Variants in SNTG2 observed in about 807,000 individuals in gnomAD.
The protein encoded by SNTG2 is gamma-2-syntrophin.
In SNTG2, 74 loss-of-function variants were observed where a neutral mutation model predicts 70.9. The observed-to-expected ratio is 1.04, with a 90% CI of 0.86 to 1.27. The LOEUF is 1.27. Ranked by LOEUF, SNTG2 falls within the 50% of genes most tolerant of loss-of-function variation. The pLI is 0.00. For synonymous variants in SNTG2, 278 were observed against 273.8 expected (o/e 1.02, Z -0.15); for missense variants, 717 against 690.7 (o/e 1.04, Z -0.43).
chr2:1,321,587 A>G (rs1276582450), intron 16 of SNTG2, among the ~76,000 whole-genome samples: 2 of 152,114 alleles, frequency 1.3e-5, no homozygotes, highest in African/African-American at 2.4e-5. Flanking sequence ...CACTGAAAAG[A>G]CTGAATCGAG....
chr2:1,093,400 G>A (rs188943858), intron 2 of SNTG2, among the ~76,000 whole-genome samples: 5 of 152,314 alleles, frequency 3.3e-5, no homozygotes, highest in African/African-American at 1.2e-4. Context: ...TAATTAGGAT[G>A]CAGGAGGCAG....
At chr2:1,178,530 C>G (rs550580881) in intron 8 of SNTG2, among the ~76,000 whole-genome samples, 16 of 152,220 alleles carry the variant, frequency 1.1e-4, no homozygotes, top group Admixed American at 9.2e-4. Context: ...TGAATTTTGT[C>G]AAAGGCCTTT....
At chr2:1,322,947 A>G (rs1375366575) in intron 16 of SNTG2, among the ~76,000 whole-genome samples, 3 of 152,130 alleles carry the variant, frequency 2.0e-5, no homozygotes, top group South Asian at 2.1e-4. Flanking sequence ...AGGCCATTTC[A>G]TTCATAGGGC....
At chr2:1,359,527 C>T (rs1374763134) in intron 16 of SNTG2, among the ~76,000 whole-genome samples, 1 of 151,958 alleles carries the variant, frequency 6.6e-6, no homozygotes, top group African/African-American at 2.4e-5. Context: ...TATTTTATTC[C>T]ATCTCTTCAC....
At chr2:1,178,981 T>G (rs1459510856) in intron 8 of SNTG2, among the ~76,000 whole-genome samples, 6 of 151,590 alleles carry the variant, frequency 4.0e-5, no homozygotes, top group Non-Finnish European at 2.9e-5. Context: ...CAATTTCAGA[T>G]CCTGTTATTG....
At chr2:1,083,321 C>T (rs938728831) in intron 1 of SNTG2, among the ~76,000 whole-genome samples, 197 bp from the exon 2 acceptor site, 26 of 150,888 alleles carry the variant, frequency 1.7e-4, no homozygotes, top group Non-Finnish European at 3.1e-4. Context: ...AAAAACGGCT[C>T]AGGAACAATT....
chr2:1,182,735 A>T (rs1163386264), intron 8 of SNTG2, among the ~76,000 whole-genome samples: 2 of 151,974 alleles, frequency 1.3e-5, no homozygotes, highest in African/African-American at 4.8e-5. Flanking sequence ...TCCCCCCAAA[A>T]ATAATCAGTT....
At chr2:1,122,449 T>C (rs1489673344) in intron 4 of SNTG2, among the ~76,000 whole-genome samples, 1 of 152,180 alleles carries the variant, frequency 6.6e-6, no homozygotes, top group Non-Finnish European at 1.5e-5. Context: ...GAGGCCAGTT[T>C]AACATTTTCA....
At chr2:1,363,996 G>GTTTCT (rs1032438240) in intron 16 of SNTG2, among the ~76,000 whole-genome samples, 50 of 152,212 alleles carry the variant, frequency 3.3e-4, no homozygotes, top group African/African-American at 1.2e-3. Context: ...TTGAGACAGA[G>GTTTCT]TTTCACTCTT....
intron 4 of SNTG2, among the ~76,000 whole-genome samples, chr2:1,119,397 A>G (rs1427632254): frequency 1.3e-5 from 2 of 152,194 alleles, no homozygotes; most frequent in Middle Eastern, 3.2e-3. Context: ...CAGTGTCATC[A>G]TGGTGGTGTG....
At chr2:1,194,970 A>G (rs1672817808) in intron 8 of SNTG2, among the ~76,000 whole-genome samples, 1 of 152,166 alleles carries the variant, frequency 6.6e-6, no homozygotes, top group Non-Finnish European at 1.5e-5. Context: ...GAGTGAGAAC[A>G]TGCAGTGTTT....
At chr2:1,288,160 T>G (rs1325606448) in intron 14 of SNTG2, among the ~76,000 whole-genome samples, 2 of 152,202 alleles carry the variant, frequency 1.3e-5, no homozygotes, top group East Asian at 3.9e-4. Context: ...CCATCCAACT[T>G]GGCTATTTTT....
At chr2:1,010,378 T>C (rs1382290002) in intron 1 of SNTG2, among the ~76,000 whole-genome samples, 1 of 152,186 alleles carries the variant, frequency 6.6e-6, no homozygotes, top group East Asian at 1.9e-4. Context: ...AAATGCAGAA[T>C]TGTGGCTGTT....
intron 1 of SNTG2, chr2:1,068,202 A>G (rs1321338312): frequency 6.6e-6 from 1 of 152,178 alleles, no homozygotes; most frequent in Admixed American, 6.5e-5. Flanking sequence ...AAGGAGGGAG[A>G]GTCACTTTCC....
chr2:1,235,911 T>C (rs1184754331), intron 9 of SNTG2, among the ~76,000 whole-genome samples: 1 of 152,248 alleles, frequency 6.6e-6, no homozygotes, highest in Non-Finnish European at 1.5e-5. Flanking sequence ...ATGGAATACA[T>C]GACTGTTTAT....
At chr2:1,006,815 C>T (rs901644116) in intron 1 of SNTG2, among the ~76,000 whole-genome samples, 1 of 152,004 alleles carries the variant, frequency 6.6e-6, no homozygotes, top group African/African-American at 2.4e-5. Context: ...CACCTGAGGT[C>T]AGAAGATCGA....
At chr2:1,317,992 C>A (rs1681366314) in intron 16 of SNTG2, among the ~76,000 whole-genome samples, 1 of 152,166 alleles carries the variant, frequency 6.6e-6, no homozygotes, top group South Asian at 2.1e-4. Context: ...AAGGGTTTTA[C>A]AAACTGTATT....
chr2:1,220,175 T>C (rs771599352), intron 9 of SNTG2: 1 of 152,390 alleles, frequency 6.6e-6, no homozygotes, highest in Admixed American at 6.5e-5. Context: ...AGGGAGACAG[T>C]GTCCTGGCAG....
chr2:1,118,675 C>A (rs1467332888), intron 4 of SNTG2, among the ~76,000 whole-genome samples: 2 of 148,800 alleles, frequency 1.3e-5, no homozygotes, highest in Non-Finnish European at 3.0e-5. Flanking sequence ...AAAAAAAAAT[C>A]TGTGAACTTG....
Sources: allele counts gnomAD v4.1 joint callset (sites outside exome capture counted in the v4.1 genomes callset), GRCh38; gene constraint gnomAD v4.1.1; transcripts MANE v1.5; gene names NCBI Gene and HGNC (gene_info 2026-07-23, HGNC 2026-07-21).